DLG2: variants seen among roughly 807,000 people sequenced by gnomAD.
DLG2 encodes the protein disks large homolog 2.
In DLG2, 45 loss-of-function variants were observed where a neutral mutation model predicts 132.5. The observed-to-expected ratio is 0.34, with a 90% CI of 0.27 to 0.44. The LOEUF (loss-of-function observed/expected upper bound fraction) is 0.44. Ranked by LOEUF, DLG2 falls within the 20% of genes least tolerant of loss-of-function variation. The pLI, the probability that DLG2 is intolerant of heterozygous loss-of-function variation, is 1.00. For synonymous variants in DLG2, 424 were observed against 419.6 expected, an observed-to-expected ratio of 1.01 and a Z score of -0.13; for missense variants, 1,045 against 1,196.9, an observed-to-expected ratio of 0.87 and a Z score of 1.87.
intron 5 of DLG2, among the ~76,000 whole-genome samples, chr11:85,112,612 T>C (rs1245442181): frequency 6.6e-6 from 1 of 152,074 alleles, no homozygotes; most frequent in African/African-American, 2.4e-5. Context: ...CAACTAAATA[T>C]GCAAGGCACT....
chr11:84,145,377 TA>T (rs1274508572), intron 9 of DLG2, among the ~76,000 whole-genome samples: 3 of 152,216 alleles, frequency 2.0e-5, no homozygotes, highest in Non-Finnish European at 4.4e-5. Context: ...GCTCTTAGGA[TA>T]CAAACCAGTA....
intron 7 of DLG2, among the ~76,000 whole-genome samples, chr11:84,466,354 G>A (rs189656060): frequency 1.2e-3 from 183 of 151,278 alleles, no homozygotes; most frequent in African/African-American, 4.3e-3. Flanking sequence ...CCCTAAAGAT[G>A]AATAACAAAC....
chr11:83,590,458 G>A (rs1304456847), intron 19 of DLG2, among the ~76,000 whole-genome samples: 3 of 152,004 alleles, frequency 2.0e-5, no homozygotes, highest in Admixed American at 6.6e-5. Flanking sequence ...CAAAGACACA[G>A]CATACCAGAA....
intron 16 of DLG2, among the ~76,000 whole-genome samples, chr11:83,845,405 C>T (rs563336629): frequency 5.5e-4 from 84 of 152,232 alleles, no homozygotes; most frequent in African/African-American, 2.0e-3. Flanking sequence ...GAGCTAGCTC[C>T]TCAGAAGGAT....
At position 85,357,393 on chromosome 11, in the gene DLG2, C is replaced by T. The variant is rs570641421; in HGVS notation, c.41-72028G>A. On this transcript the variant is annotated intron_variant, in intron 3 of 27. Transcript: ENST00000376104. ...ATTTTTAGTAGAGAAGGGTTTTCAC[C>T]GTGTTAGCCAGGATGGTCTCAATCT... Among the ~76,000 whole-genome samples the T allele has an allele frequency of 6.0e-5, 9 of 149,988 alleles. No homozygotes were observed. In the East Asian group the frequency reaches 7.9e-4, roughly 13 times the overall value.
chr11:84,448,806 C>T (rs777514379), intron 7 of DLG2, among the ~76,000 whole-genome samples: 77 of 152,024 alleles, frequency 5.1e-4, no homozygotes, highest in Non-Finnish European at 5.5e-4. Flanking sequence ...AAGTAACATA[C>T]CTTATTTATT....
intron 7 of DLG2, among the ~76,000 whole-genome samples, chr11:84,355,016 G>A (rs2098602634): frequency 6.6e-6 from 1 of 152,050 alleles, no homozygotes; most frequent in Non-Finnish European, 1.5e-5. Context: ...TCCTGAACAA[G>A]GTAATGTCTT....
chr11:85,464,635 G>T (rs1416367336), intron 3 of DLG2, among the ~76,000 whole-genome samples: 1 of 151,962 alleles, frequency 6.6e-6, no homozygotes, highest in African/African-American at 2.4e-5. Context: ...TGTGACCTCT[G>T]GTCACATGAC....
intron 7 of DLG2, among the ~76,000 whole-genome samples, chr11:84,413,614 G>C (rs991465435): frequency 3.9e-5 from 6 of 152,124 alleles, no homozygotes; most frequent in African/African-American, 1.4e-4. Flanking sequence ...CCTGTTCCCA[G>C]ACTGCTTTTT....
chr11:85,352,643 A>G (rs935554265), intron 3 of DLG2, among the ~76,000 whole-genome samples: 2 of 152,208 alleles, frequency 1.3e-5, no homozygotes, highest in African/African-American at 4.8e-5. Context: ...ACAGAGATAT[A>G]GACCAGTGGA....
At chr11:83,525,001 T>A (rs2095571407) in intron 21 of DLG2, among the ~76,000 whole-genome samples, 1 of 152,224 alleles carries the variant, frequency 6.6e-6, no homozygotes, top group East Asian at 1.9e-4. Flanking sequence ...GGCAGTGCTT[T>A]GTGGACCCAA....
At chr11:85,050,939 C>A (rs1263695232) in intron 6 of DLG2, among the ~76,000 whole-genome samples, 2 of 152,036 alleles carry the variant, frequency 1.3e-5, no homozygotes, top group Admixed American at 6.6e-5. Flanking sequence ...CTAGCTGGGT[C>A]TGAGTACCCA....
rs1003787009 is a variant in DLG2, at chr11:84,516,586, A to G, written c.519+17984T>C. On this transcript the variant is annotated intron_variant, in intron 7 of 27. Transcript: ENST00000376104. ...ATCAGTATAAAGTCTTCCATTAAAG[A>G]AAGCCCAGAATCTGATGCCTTTAGT... Among the ~76,000 whole-genome samples the G allele has an allele frequency of 2.6e-5, 4 of 151,532 alleles. No homozygotes were observed. In the East Asian group the frequency reaches 7.7e-4, roughly 29 times the overall value.
intron 8 of DLG2, among the ~76,000 whole-genome samples, chr11:84,229,051 T>G (rs1368937353): frequency 6.6e-6 from 1 of 152,196 alleles, no homozygotes; most frequent in Non-Finnish European, 1.5e-5. Context: ...ACTCTATAGA[T>G]GCTGGGAATT....
At chr11:85,601,276 G>A (rs541877281) in intron 2 of DLG2, among the ~76,000 whole-genome samples, 3 of 152,016 alleles carry the variant, frequency 2.0e-5, no homozygotes, top group Non-Finnish European at 4.4e-5. Context: ...CCAAAGTGCT[G>A]GGATTACAGG....
intron 8 of DLG2, among the ~76,000 whole-genome samples, chr11:84,195,056 G>A (rs938354197): frequency 1.3e-5 from 2 of 152,244 alleles, no homozygotes; most frequent in African/African-American, 4.8e-5. Context: ...CGGGCTGAAG[G>A]GCTCCTCAAG....
intron 18 of DLG2, among the ~76,000 whole-genome samples, chr11:83,756,263 T>C (rs545597504): frequency 6.6e-6 from 1 of 151,328 alleles, no homozygotes; most frequent in East Asian, 1.9e-4. Context: ...GGGCCACAGG[T>C]TTAATTCTGA....
intron 6 of DLG2, among the ~76,000 whole-genome samples, chr11:84,944,366 G>C (rs759686714): frequency 6.6e-6 from 1 of 152,002 alleles, no homozygotes; most frequent in Non-Finnish European, 1.5e-5. Flanking sequence ...ATAACTCTTA[G>C]ATTTGGCCTT....
intron 18 of DLG2, among the ~76,000 whole-genome samples, chr11:83,712,781 G>C (rs2085754328): frequency 1.3e-5 from 2 of 152,102 alleles, no homozygotes; most frequent in South Asian, 4.2e-4. Context: ...TGGACACACA[G>C]TGGGAAACAA....
Sources: allele counts gnomAD v4.1 joint callset (sites outside exome capture counted in the v4.1 genomes callset), GRCh38; gene constraint gnomAD v4.1.1; transcripts MANE v1.5; gene names NCBI Gene and HGNC (gene_info 2026-07-23, HGNC 2026-07-21).